ZMIZ1: variants seen among roughly 807,000 people sequenced by gnomAD.
ZMIZ1 encodes zinc finger MIZ-type containing 1.
ZMIZ1 carries 17 observed loss-of-function variants against 113.9 expected under a neutral mutation model. The ratio of observed to expected loss-of-function variants is 0.15; its 90% CI spans 0.10 to 0.22. The LOEUF is 0.22. Ranked by LOEUF, ZMIZ1 falls within the 10% of genes least tolerant of loss-of-function variation. The pLI is 1.00. For missense variants in ZMIZ1, 1,059 were observed against 1,477.8 expected, an observed-to-expected ratio of 0.72 and a Z score of 4.65; for synonymous variants, 607 against 603.1, an observed-to-expected ratio of 1.01 and a Z score of -0.09.
chr10:79,248,844 C>T (rs1224859064), intron 7 of ZMIZ1, among the ~76,000 whole-genome samples: 1 of 152,154 alleles, frequency 6.6e-6, no homozygotes, highest in Non-Finnish European at 1.5e-5. Context: ...TTCCCTGGGG[C>T]TGGGACTGGA....
intron 19 of ZMIZ1, 105 bp from the exon 20 acceptor site, chr10:79,305,059 C>T (rs1854588931): frequency 2.3e-6 from 3 of 1,313,048 alleles, no homozygotes; most frequent in Non-Finnish European, 2.2e-6. Context: ...TCTCCCACAG[C>T]CTATCTTTCT....
chr10:79,313,716 G>A lies in ZMIZ1; in HGVS notation c.*967G>A, dbSNP rs879222514. 31 of 278,284 alleles carry A rather than the reference G, an allele frequency of 1.1e-4. No individual in the cohort carries two copies. Among genetic ancestry groups the A allele is most frequent in the South Asian group, 9.5e-4 (27 of 28,452 alleles). The allele number at this position is 278,284 out of a possible 1,614,324, so 17.2% of individuals were successfully genotyped here. On this transcript the variant is annotated 3_prime_UTR_variant, in exon 25 of 25. Transcript: ENST00000334512. ...ATGAAGTCACCTGGAGAAAAGGAAC[G>A]TTGCTCTTGGACAGCAAGCAAACCA...
chr10:79,305,044 G>C lies in ZMIZ1; in HGVS notation c.2287-120G>C, dbSNP rs1335945737. On this transcript the variant is annotated intron_variant, in intron 19 of 24. Coordinates refer to ENST00000334512, the MANE Select transcript of ZMIZ1 (RefSeq NM_020338.4). Reference sequence around the variant, plus strand: ...TTTCATTCCACCCAGCCCCAGCCCGGGGTTTCTCCCACAGCCTATCTTTCT... The same window carrying C: ...TTTCATTCCACCCAGCCCCAGCCCGCGGTTTCTCCCACAGCCTATCTTTCT... The C allele has an allele frequency of 3.9e-5, 44 of 1,118,124 alleles. 1 individual carries two copies. Among genetic ancestry groups the C allele is most frequent in the Middle Eastern group, 2.2e-4 (1 of 4,574 alleles). 69.3% of individuals were successfully genotyped at this position (1,118,124 alleles called of 1,614,324 possible). A position where few individuals can be genotyped will look rare whatever the true frequency, so the allele number is the denominator to read the frequency against.
rs1055867903 is a variant in ZMIZ1, at chr10:79,290,953, C to T, written c.541-6C>T. 3 of 1,612,358 alleles carry T rather than the reference C, an allele frequency of 1.9e-6. No homozygotes were observed. The highest frequency in any genetic ancestry group is 2.5e-6 in the Non-Finnish European group (3 of 1,178,624). ...CCTTAGGTGACAACCACTTCTCTGC[C>T]CACAGGTCCTTGGGAACCCTATGGC... On this transcript the variant is annotated splice_region_variant and splice_polypyrimidine_tract_variant and intron_variant, in intron 9 of 24. Coordinates refer to ENST00000334512, the MANE Select transcript of ZMIZ1 (RefSeq NM_020338.4).
In ZMIZ1 at chr10:79,088,863, A is replaced by T. The variant is rs564539624; in HGVS notation, c.-337+19593A>T. On this transcript the variant is annotated intron_variant, in intron 1 of 24. Coordinates refer to ENST00000334512, the MANE Select transcript of ZMIZ1 (RefSeq NM_020338.4). ...TCCTTGGGAACATCCTTCCTGCACC[A>T]GGCATGGTACTTTGGGGTCTGGAGA... 2.0e-5 allele frequency among the ~76,000 whole-genome samples: 3 copies of T among 152,300 alleles called. No individual in the cohort carries two copies. In the South Asian group the frequency reaches 6.2e-4, roughly 32 times the overall value.
intron 8 of ZMIZ1, among the ~76,000 whole-genome samples, chr10:79,283,830 C>T (rs190471862): frequency 1.4e-4 from 22 of 152,264 alleles, no homozygotes; most frequent in African/African-American, 4.6e-4. Context: ...AAGTAGGCCC[C>T]AGTAATTGTG....
chr10:79,271,644 T>G (rs1851956956), intron 7 of ZMIZ1, among the ~76,000 whole-genome samples: 1 of 152,192 alleles, frequency 6.6e-6, no homozygotes, highest in African/African-American at 2.4e-5. Context: ...AACACTAATT[T>G]ACACCCCATA....
intron 7 of ZMIZ1, among the ~76,000 whole-genome samples, chr10:79,269,337 C>A (rs1451955748): frequency 1.3e-5 from 2 of 152,052 alleles, no homozygotes; most frequent in South Asian, 4.1e-4. Context: ...GATGAGAGGG[C>A]CCTGCTTCAA....
chr10:79,200,122 A>G (rs1037185676), intron 4 of ZMIZ1, among the ~76,000 whole-genome samples: 5 of 152,220 alleles, frequency 3.3e-5, no homozygotes, highest in African/African-American at 9.6e-5. Flanking sequence ...CCTGGCTGAC[A>G]TGGCCAGAGA....
At chr10:79,103,075 G>A (rs1273331068) in intron 1 of ZMIZ1, among the ~76,000 whole-genome samples, 1 of 152,126 alleles carries the variant, frequency 6.6e-6, no homozygotes, top group Admixed American at 6.5e-5. Flanking sequence ...TGGGGTGGGG[G>A]AGGCGGCATG....
chr10:79,255,362 GC>G (rs1169850982), intron 7 of ZMIZ1, among the ~76,000 whole-genome samples: 1 of 152,238 alleles, frequency 6.6e-6, no homozygotes, highest in Non-Finnish European at 1.5e-5. Context: ...CACCTGGGTT[GC>G]CCCCACCCTT....
At chr10:79,221,244 G>A (rs1019033047) in intron 7 of ZMIZ1, among the ~76,000 whole-genome samples, 1 of 152,186 alleles carries the variant, frequency 6.6e-6, no homozygotes, top group Admixed American at 6.5e-5. Flanking sequence ...GCAGGAGCAC[G>A]TGTGTGCATG....
intron 7 of ZMIZ1, among the ~76,000 whole-genome samples, chr10:79,264,974 G>A (rs1056877835): frequency 6.6e-5 from 10 of 152,164 alleles, no homozygotes; most frequent in African/African-American, 2.4e-4. Context: ...TTAGTCTGGC[G>A]TCTTATCCTG....
chr10:79,282,704 G>C (rs1462677820), intron 8 of ZMIZ1, among the ~76,000 whole-genome samples: 1 of 152,254 alleles, frequency 6.6e-6, no homozygotes, highest in African/African-American at 2.4e-5. Context: ...AGGATGTCAG[G>C]AAAGGGTCAG....
chr10:79,281,655 T>C (rs34926016), intron 8 of ZMIZ1, among the ~76,000 whole-genome samples: 10,863 of 152,286 alleles, frequency 0.071, 514 homozygotes, highest in Non-Finnish European at 0.11. Flanking sequence ...AAAGGAAAGC[T>C]GTGTGGGCTG....
intron 1 of ZMIZ1, among the ~76,000 whole-genome samples, chr10:79,085,618 G>A (rs895727433): frequency 7.2e-5 from 11 of 152,360 alleles, no homozygotes; most frequent in Admixed American, 3.9e-4. Context: ...GGAGACAGAG[G>A]AAGGCAGCTT....
intron 5 of ZMIZ1, among the ~76,000 whole-genome samples, chr10:79,202,496 A>C (rs2132659271): frequency 6.6e-6 from 1 of 152,258 alleles, no homozygotes; most frequent in Non-Finnish European, 1.5e-5. Context: ...AAATCATATC[A>C]TTTTACAGGA....
At chr10:79,216,096 C>T (rs1441213889) in intron 6 of ZMIZ1, 73 bp from the exon 7 acceptor site, 20 of 1,145,626 alleles carry the variant, frequency 1.7e-5, no homozygotes, top group Non-Finnish European at 2.4e-5. Context: ...TCACCCACTT[C>T]ACCTGCAAAA....
At chr10:79,236,337 G>A (rs756132122) in intron 7 of ZMIZ1, among the ~76,000 whole-genome samples, 3 of 152,182 alleles carry the variant, frequency 2.0e-5, no homozygotes, top group East Asian at 1.9e-4. Context: ...GAGGTGTGCC[G>A]CACAGCCAGG....
Sources: gnomAD v4.1 joint callset for allele counts (sites outside exome capture counted in the v4.1 genomes callset) on GRCh38, gnomAD v4.1.1 for gene constraint, MANE v1.5 for transcripts, NCBI Gene and HGNC (gene_info 2026-07-23, HGNC 2026-07-21) for gene names.